The following PRIMPOL variants were observed in gnomAD, a reference collection of about 807,000 sequenced individuals.
PRIMPOL encodes the protein primase and DNA directed polymerase, also known as DNA-directed primase/polymerase protein.
PRIMPOL carries 54 observed loss-of-function variants against 63.6 expected under a neutral mutation model. The observed-to-expected ratio is 0.85, with a 90% confidence interval of 0.68 to 1.07. The LOEUF (loss-of-function observed/expected upper bound fraction) is 1.07. Ranked by LOEUF, PRIMPOL falls within the 50% of genes least tolerant of loss-of-function variation. PRIMPOL has a pLI of 0.00. For synonymous variants in PRIMPOL, 197 were observed against 220.2 expected (o/e 0.89, Z 0.93); for missense variants, 610 against 648.3 (o/e 0.94, Z 0.64).
intron 6 of PRIMPOL, among the ~76,000 whole-genome samples, chr4:184,669,554 A>G (rs1751001735): frequency 6.6e-6 from 1 of 152,236 alleles, no homozygotes; most frequent in Non-Finnish European, 1.5e-5. Flanking sequence ...AAAGCTGAGA[A>G]TCTCTTGCTC....
chr4:184,665,930 C>G lies in PRIMPOL; in HGVS notation c.422C>G (p.Ala141Gly). Residue 141 changes from alanine to glycine, a missense_variant, in exon 6 of 14, where the codon GCA (alanine) becomes GGA (glycine). Physicochemically the swap from Ala to Gly is moderately conservative, Grantham distance 60 (BLOSUM62 0). This residue lies in a region of PRIMPOL where 159 missense variants were observed against 168.9 expected (regional missense o/e 0.94). Coordinates refer to ENST00000314970, the MANE Select transcript of PRIMPOL (RefSeq NM_152683.4). The part of the protein sequence containing the change: ...VALLIEYVCK[A>G]LQELYGVNCS... ...TTGTGTTTTTAGTATGTGTGTAAAG[C>G]ACTTCAAGAGTTATACGGTGTTAAT... 1 of 1,583,582 alleles carries G rather than the reference C, an allele frequency of 6.3e-7. No homozygotes were observed. Among genetic ancestry groups the G allele is most frequent in the Non-Finnish European group, 8.6e-7 (1 of 1,167,942 alleles).
chr4:184,687,725 C>G (rs1318906934), intron 11 of PRIMPOL, among the ~76,000 whole-genome samples: 1 of 152,198 alleles, frequency 6.6e-6, no homozygotes, highest in African/African-American at 2.4e-5. Flanking sequence ...AGCAATTCTC[C>G]GGCCTCAGCC....
chr4:184,667,900 G>C (rs1359778135), intron 6 of PRIMPOL, among the ~76,000 whole-genome samples: 1 of 152,016 alleles, frequency 6.6e-6, no homozygotes, highest in African/African-American at 2.4e-5. Flanking sequence ...CACTTATTAA[G>C]ACTTTCTAGG....
intron 13 of PRIMPOL, among the ~76,000 whole-genome samples, 185 bp downstream of exon 13, chr4:184,691,897 CT>C (rs10567357): frequency 0.85 from 118,676 of 140,386 alleles, 50,678 homozygotes; most frequent in East Asian, 0.99. Context: ...TAATACAAAC[CT>C]TTTTTTTTTT....
At chr4:184,653,280 G>A (rs1412615708) in intron 2 of PRIMPOL, among the ~76,000 whole-genome samples, 6 of 152,116 alleles carry the variant, frequency 3.9e-5, no homozygotes, top group Non-Finnish European at 8.8e-5. Context: ...GGGCAAGGCT[G>A]GGCATAAACG....
chr4:184,686,703 A>G (rs1757053728), intron 11 of PRIMPOL, among the ~76,000 whole-genome samples: 1 of 152,114 alleles, frequency 6.6e-6, no homozygotes, highest in African/African-American at 2.4e-5. Context: ...CCTCAAGCAT[A>G]TGCGGCCTGT....
chr4:184,673,152 C>T (rs1293531200), intron 7 of PRIMPOL, among the ~76,000 whole-genome samples: 7 of 120,922 alleles, frequency 5.8e-5, no homozygotes, highest in Non-Finnish European at 8.9e-5. Flanking sequence ...TTTTTTGAGA[C>T]GGAGTCCCGC....
chr4:184,694,310 A>G, intron 13 of PRIMPOL: 11 of 1,327,114 alleles, frequency 8.3e-6, no homozygotes, highest in Non-Finnish European at 1.1e-5. Flanking sequence ...TCAAATTTGG[A>G]GTTTCAAGTG....
Position 184,691,506 on chromosome 4 carries a change from G to T in PRIMPOL, c.1303G>T (p.Val435Phe). Residue 435 changes from valine to phenylalanine, a missense_variant, in exon 12 of 14, where the codon GTT becomes TTT. Physicochemically the swap from Val to Phe is conservative, Grantham distance 50. Coordinates refer to ENST00000314970, the MANE Select transcript of PRIMPOL (RefSeq NM_152683.4). ...AHKSNNIMILVDLKNEVWYQK... is the reference protein window; with the variant it reads ...AHKSNNIMILFDLKNEVWYQK... ...TTTTTTTTAAACATAAAGGATTCTG[G>T]TTGATCTGAAAAATGAAGTTTGGTA... is the stretch of plus-strand genomic sequence containing the variant. The T allele has an allele frequency of 6.3e-7, 1 of 1,575,948 alleles. No homozygotes were observed. Among genetic ancestry groups the T allele is most frequent in the East Asian group, 2.2e-5 (1 of 44,600 alleles).
chr4:184,694,496 T>C (rs779471406), intron 13 of PRIMPOL, 26 bp from the exon 14 acceptor site: 20 of 1,604,666 alleles, frequency 1.2e-5, no homozygotes, highest in Non-Finnish European at 1.6e-5. Context: ...TATCCCACTC[T>C]CTATCCCTTC....
intron 7 of PRIMPOL, 69 bp downstream of exon 7, chr4:184,672,529 A>T (rs371793156): frequency 6.9e-7 from 1 of 1,454,014 alleles, no homozygotes. Context: ...GTTGGTGCCC[A>T]CTCGTCACCG....
Position 184,657,326 on chromosome 4 carries a change from T to TTCC in PRIMPOL, c.180+18_180+20dup, listed in dbSNP as rs762842744. The TTCC allele has an allele frequency of 3.8e-6, 6 of 1,595,884 alleles. No individual in the cohort carries two copies. The highest frequency in any genetic ancestry group is 4.3e-6 in the Non-Finnish European group (5 of 1,169,644). ...TTGTTAAAAGCTGTAAAGAAGTAAT[T>TTCC]TCCTCCTCCTCCTCTTCTTCTTCCT... On this transcript the variant is annotated splice_region_variant and intron_variant, in intron 3 of 13. Coordinates refer to ENST00000314970, the MANE Select transcript of PRIMPOL (RefSeq NM_152683.4).
Position 184,670,886 on chromosome 4 carries a change from A to G in PRIMPOL, c.557-1287A>G, listed in dbSNP as rs1159678695. ...AATTAAATCTAATGTGAAGAAATAA[A>G]AATGTGAATTTAGAGTATGCATTTG... On this transcript the variant is annotated intron_variant, in intron 6 of 13. Coordinates refer to ENST00000314970, the MANE Select transcript of PRIMPOL (RefSeq NM_152683.4). 2.6e-5 allele frequency among the ~76,000 whole-genome samples: 4 copies of G among 152,316 alleles called. No individual in the cohort carries two copies. In the East Asian group the frequency reaches 5.8e-4, roughly 22 times the overall value.
chr4:184,671,957 G>A (rs903070160), intron 6 of PRIMPOL, among the ~76,000 whole-genome samples: 28 of 151,828 alleles, frequency 1.8e-4, no homozygotes, highest in Non-Finnish European at 3.4e-4. Context: ...AACCAGGATG[G>A]TCTCGATCTC....
chr4:184,650,418 A>G (rs556500142), intron 1 of PRIMPOL, among the ~76,000 whole-genome samples: 1 of 152,348 alleles, frequency 6.6e-6, no homozygotes, highest in South Asian at 2.1e-4. Flanking sequence ...TTTTATAGTC[A>G]CAGAGTCCTG....
intron 2 of PRIMPOL, 47 bp from the exon 3 acceptor site, chr4:184,657,035 T>C (rs143893056): frequency 0.028 from 22,435 of 812,294 alleles, 421 homozygotes; most frequent in Non-Finnish European, 0.034. Flanking sequence ...ACAAAATATA[T>C]TCTAAACAAA....
chr4:184,666,064 G>A lies in PRIMPOL; in HGVS notation c.556G>A (p.Gly186Ser). 1 of 1,598,370 alleles carries A rather than the reference G, an allele frequency of 6.3e-7. No individual in the cohort carries two copies. Among genetic ancestry groups the A allele is most frequent in the Non-Finnish European group, 8.5e-7 (1 of 1,173,034 alleles). Residue 186 changes from glycine to serine, a missense_variant and splice_region_variant, in exon 6 of 14, where the codon GGT (glycine) becomes AGT (serine). Gly to Ser is a moderately conservative substitution (Grantham distance 56, BLOSUM62 0). Coordinates refer to ENST00000314970, the MANE Select transcript of PRIMPOL (RefSeq NM_152683.4). ...DVAFKDNIHV[G>S]NFLRKILQPA... ...GGCATTTAAAGATAATATTCATGTT[G>A]GTAAGTACACGGCTTTTTAAAAATC... is the stretch of plus-strand genomic sequence containing the variant.
intron 8 of PRIMPOL, among the ~76,000 whole-genome samples, chr4:184,679,703 A>T (rs1755086876): frequency 6.6e-6 from 1 of 152,150 alleles, no homozygotes; most frequent in South Asian, 2.1e-4. Flanking sequence ...GCGAGCGAGC[A>T]ATACCACCTT....
intron 8 of PRIMPOL, among the ~76,000 whole-genome samples, chr4:184,678,818 G>A (rs2696046): frequency 0.86 from 130,365 of 150,880 alleles, 55,989 homozygotes; most frequent in East Asian, 1. Context: ...GTGAGCCACC[G>A]CGCCCAGCCA....
Sources: gnomAD v4.1 joint callset for allele counts (sites outside exome capture counted in the v4.1 genomes callset) on GRCh38, gnomAD v4.1.1 for gene constraint, gnomAD v4.1.1 regional missense constraint, MANE v1.5 for transcripts, NCBI Gene and HGNC (gene_info 2026-07-23, HGNC 2026-07-21) for gene names.